ADGRL3: variants seen among roughly 807,000 people sequenced by gnomAD.
The protein encoded by ADGRL3 is calcium-independent alpha-latrotoxin receptor 3.
In ADGRL3, 62 loss-of-function variants were observed where a neutral mutation model predicts 153.5. The ratio of observed to expected loss-of-function variants is 0.40; its 90% confidence interval spans 0.33 to 0.50. The LOEUF (loss-of-function observed/expected upper bound fraction) is 0.50. Ranked by LOEUF, ADGRL3 falls within the 20% of genes least tolerant of loss-of-function variation. The pLI is 0.47. For missense variants in ADGRL3, 1,641 were observed against 1,859.4 expected (o/e 0.88, Z 2.16); for synonymous variants, 710 against 672.5 (o/e 1.06, Z -0.86).
rs1191726056 is a variant in ADGRL3, at chr4:62,014,947, C to T, written c.3396-13908C>T. The stretch of plus-strand genomic sequence containing the variant: ...CAGCTTTTCTCATTCTCCTATTTTT[C>T]GGCAGTGGTTTCCAGCAGGAGTGTT... On this transcript the variant is annotated intron_variant, in intron 21 of 26. Transcript: ENST00000683033. Among the ~76,000 whole-genome samples, 4 of 152,106 alleles carry T rather than the reference C, an allele frequency of 2.6e-5. No individual in the cohort carries two copies. In the East Asian group the frequency reaches 5.8e-4, roughly 22 times the overall value.
intron 8 of ADGRL3, among the ~76,000 whole-genome samples, chr4:61,736,847 A>G (rs2096524174): frequency 6.6e-6 from 1 of 152,180 alleles, no homozygotes; most frequent in African/African-American, 2.4e-5. Flanking sequence ...TGTCAGTATA[A>G]TCACAAAAAA....
intron 2 of ADGRL3, among the ~76,000 whole-genome samples, chr4:61,412,794 C>G (rs2097103008): frequency 6.6e-6 from 1 of 152,046 alleles, no homozygotes; most frequent in Admixed American, 6.6e-5. Context: ...CTATTTGTTG[C>G]TAAGATGGTG....
At chr4:61,651,898 A>G (rs2094272064) in intron 5 of ADGRL3, among the ~76,000 whole-genome samples, 1 of 151,592 alleles carries the variant, frequency 6.6e-6, no homozygotes, top group Non-Finnish European at 1.5e-5. Context: ...TACAGGAGGG[A>G]GCCACCGAAC....
chr4:61,857,830 A>G (rs941089790), intron 9 of ADGRL3, among the ~76,000 whole-genome samples: 2 of 152,058 alleles, frequency 1.3e-5, no homozygotes, highest in African/African-American at 4.8e-5. Flanking sequence ...CTCTCGCCTC[A>G]GCCTCCCAAT....
At chr4:61,949,727 A>G (rs747224371) in intron 17 of ADGRL3, among the ~76,000 whole-genome samples, 1 of 152,044 alleles carries the variant, frequency 6.6e-6, no homozygotes, top group African/African-American at 2.4e-5. Context: ...ATATAACTTC[A>G]TAGTTTTTTA....
At chr4:61,879,070 A>C (rs1213244004) in intron 9 of ADGRL3, among the ~76,000 whole-genome samples, 2 of 152,180 alleles carry the variant, frequency 1.3e-5, no homozygotes, top group East Asian at 1.9e-4. Context: ...TAGAGTAGGC[A>C]AGAGAATTTG....
At chr4:61,786,183 TG>T (rs2097273933) in intron 8 of ADGRL3, among the ~76,000 whole-genome samples, 1 of 152,208 alleles carries the variant, frequency 6.6e-6, no homozygotes, top group African/African-American at 2.4e-5. Context: ...AGCCATTCAA[TG>T]TTGGTTTGAT....
chr4:61,323,579 G>A (rs2095408150), intron 1 of ADGRL3, among the ~76,000 whole-genome samples: 1 of 152,042 alleles, frequency 6.6e-6, no homozygotes, highest in Non-Finnish European at 1.5e-5. Context: ...AATCTCTAGG[G>A]CAGGGGCAAA....
chr4:61,677,283 T>G, intron 6 of ADGRL3: 1 of 305,894 alleles, frequency 3.3e-6, no homozygotes. Flanking sequence ...CAATACAATT[T>G]TATATGTAAT....
intron 6 of ADGRL3, among the ~76,000 whole-genome samples, chr4:61,708,412 T>C (rs1191803635): frequency 6.6e-6 from 1 of 152,144 alleles, no homozygotes; most frequent in African/African-American, 2.4e-5. Context: ...ATTTAAAATA[T>C]GGTTTAAAAC....
At chr4:61,701,518 C>G (rs1320096027) in intron 6 of ADGRL3, among the ~76,000 whole-genome samples, 1 of 145,112 alleles carries the variant, frequency 6.9e-6, no homozygotes, top group African/African-American at 2.5e-5. Context: ...CACTGCAACC[C>G]CTGCCTCCCA....
At chr4:61,626,698 A>T (rs548282368) in intron 5 of ADGRL3, among the ~76,000 whole-genome samples, 1 of 152,254 alleles carries the variant, frequency 6.6e-6, no homozygotes, top group African/African-American at 2.4e-5. Flanking sequence ...TTAAAGTGAT[A>T]TAGACGTAAG....
intron 2 of ADGRL3, among the ~76,000 whole-genome samples, chr4:61,454,885 C>T (rs752435670): frequency 1.3e-5 from 2 of 151,862 alleles, no homozygotes; most frequent in African/African-American, 4.8e-5. Context: ...GTTCAGAGCC[C>T]GCTTTACTGG....
At position 61,948,147 on chromosome 4, in the gene ADGRL3, C is replaced by T. The variant is rs770956017; in HGVS notation, c.2676C>T (p.Ser892=). The T allele has an allele frequency of 1.2e-6, 2 of 1,613,468 alleles. No homozygotes were observed. Among genetic ancestry groups the T allele is most frequent in the Admixed American group, 1.7e-5 (1 of 59,906 alleles). ...FNPNCSFWSY[S]KRTMTGYWST... ...CTAACTGTTCATTTTGGAGCTACTC[C>T]AAGCGTACAATGACAGGTTATTGGT... Residue 892 remains serine (S), a synonymous_variant, in exon 17 of 27, where the codon TCC becomes TCT. Transcript: ENST00000683033.
At chr4:61,930,963 A>T in intron 13 of ADGRL3, among the ~76,000 whole-genome samples, 1 of 152,296 alleles carries the variant, frequency 6.6e-6, no homozygotes, top group East Asian at 1.9e-4. Context: ...TACAATACAT[A>T]AATGTATAAG....
chr4:61,553,150 A>G (rs559251865), intron 4 of ADGRL3, among the ~76,000 whole-genome samples: 6 of 152,198 alleles, frequency 3.9e-5, no homozygotes, highest in Non-Finnish European at 5.9e-5. Context: ...ATATGTTACT[A>G]AATTGCCTGG....
intron 1 of ADGRL3, among the ~76,000 whole-genome samples, chr4:61,306,367 G>A (rs1330542763): frequency 6.6e-6 from 1 of 152,020 alleles, no homozygotes; most frequent in African/African-American, 2.4e-5. Flanking sequence ...CAAAGTGCAG[G>A]GATTACAGGC....
intron 13 of ADGRL3, among the ~76,000 whole-genome samples, chr4:61,915,235 T>C (rs1173365281): frequency 6.7e-6 from 1 of 149,292 alleles, no homozygotes; most frequent in African/African-American, 2.4e-5. Flanking sequence ...GGGAGGTATA[T>C]ATAGGTGTGT....
At chr4:61,299,666 G>A (rs895659841) in intron 1 of ADGRL3, among the ~76,000 whole-genome samples, 9 of 152,128 alleles carry the variant, frequency 5.9e-5, no homozygotes, top group East Asian at 1.9e-4. Context: ...AAAATAAGAC[G>A]TTTATGTCAC....
Sources: gnomAD v4.1 joint callset for allele counts (sites outside exome capture counted in the v4.1 genomes callset) on GRCh38, gnomAD v4.1.1 for gene constraint, MANE v1.5 for transcripts, NCBI Gene and HGNC (gene_info 2026-07-23, HGNC 2026-07-21) for gene names.